MSH3: variants seen among roughly 807,000 people sequenced by gnomAD.
The protein encoded by MSH3 is mutS homolog 3, also known as DNA mismatch repair protein Msh3.
MSH3 carries 106 observed loss-of-function variants against 123.3 expected under a neutral mutation model. The ratio of observed to expected loss-of-function variants is 0.86; its 90% confidence interval spans 0.73 to 1.01. MSH3 has a LOEUF of 1.01. Ranked by LOEUF, MSH3 falls within the 50% of genes least tolerant of loss-of-function variation. The pLI, the probability that MSH3 is intolerant of heterozygous loss-of-function variation, is 0.00. For synonymous variants in MSH3, 515 were observed against 481.4 expected (o/e 1.07, Z -0.91); for missense variants, 1,459 against 1,347.6 (o/e 1.08, Z -1.29).
chr5:80,675,968 A>G (rs1749830055), intron 7 of MSH3, among the ~76,000 whole-genome samples: 1 of 152,172 alleles, frequency 6.6e-6, no homozygotes, highest in Non-Finnish European at 1.5e-5. Flanking sequence ...TACCATACTA[A>G]ATTAATATTA....
intron 21 of MSH3, among the ~76,000 whole-genome samples, chr5:80,860,101 T>A (rs1745990086): frequency 2.4e-5 from 2 of 84,834 alleles, no homozygotes; most frequent in South Asian, 9.4e-4. Context: ...TATACTTAAG[T>A]GTACATAAGC....
Position 80,729,460 on chromosome 5 carries a change from G to GTGTGTGTGTGTA in MSH3, c.1568+496_1568+497insGTGTGTGTGTAT, listed in dbSNP as rs1277559108. 1.5e-3 allele frequency among the ~76,000 whole-genome samples: 145 copies of GTGTGTGTGTGTA among 95,008 alleles called. 1 individual carries two copies. The East Asian group carries it at 0.018, about 12-fold the overall frequency. The allele number at this position is 95,008 out of a possible 152,430, so 62.3% of individuals were successfully genotyped here. On this transcript the variant is annotated intron_variant, in intron 10 of 23. Transcript: ENST00000265081. ...TGTGTGTGTGTGTGTGTGTGTGTGT[G>GTGTGTGTGTGTA]TATATATATATATATATATAAAGAA...
At position 80,679,030 on chromosome 5, in the gene MSH3, T is replaced by C. The variant is rs775653543; in HGVS notation, c.1277T>C (p.Leu426Pro). 2 of 1,614,202 alleles carry C rather than the reference T, an allele frequency of 1.2e-6. No individual in the cohort carries two copies. The highest frequency in any genetic ancestry group is 1.1e-5 in the South Asian group (1 of 91,082). The change falls in exon 8 of 24, where the codon CTG becomes CCG. Residue 426 changes from leucine (L) to proline (P), a missense_variant. Coordinates refer to ENST00000265081, the MANE Select transcript of MSH3 (RefSeq NM_002439.5). ...ATGTCAAGCCTGCAGCCAGTAGAGC[T>C]GCTGCTTCCTTCGGCCTTGTCCGAG... ...TRMSSLQPVE[L>P]LLPSALSEQT...
intron 10 of MSH3, 125 bp downstream of exon 10, chr5:80,729,090 A>G (rs905834196): frequency 2.0e-5 from 13 of 665,570 alleles, no homozygotes; most frequent in Non-Finnish European, 3.2e-5. Context: ...GGGTGCAAGG[A>G]TGAGCTGTTT....
At chr5:80,843,011 TC>T (rs907944967) in intron 20 of MSH3, among the ~76,000 whole-genome samples, 23 of 152,252 alleles carry the variant, frequency 1.5e-4, no homozygotes, top group African/African-American at 5.1e-4. Flanking sequence ...TTCCAGTTTT[TC>T]CCATTCAGTA....
chr5:80,796,906 A>T (rs1744708107), intron 19 of MSH3, among the ~76,000 whole-genome samples: 1 of 152,170 alleles, frequency 6.6e-6, no homozygotes, highest in Non-Finnish European at 1.5e-5. Context: ...GGCTTCTGGA[A>T]CGTGCCATGC....
chr5:80,835,745 T>C (rs1411304575), intron 20 of MSH3, among the ~76,000 whole-genome samples: 1 of 152,016 alleles, frequency 6.6e-6, no homozygotes, highest in African/African-American at 2.4e-5. Flanking sequence ...TGAAACCCTG[T>C]CTCTACTAAA....
chr5:80,743,064 C>A (rs953981114), intron 11 of MSH3, among the ~76,000 whole-genome samples: 1 of 152,056 alleles, frequency 6.6e-6, no homozygotes, highest in African/African-American at 2.4e-5. Context: ...CCCACCGCCC[C>A]TCGCCCACCT....
intron 20 of MSH3, among the ~76,000 whole-genome samples, chr5:80,837,452 G>A (rs559961645): frequency 1.5e-4 from 23 of 152,156 alleles, no homozygotes; most frequent in Non-Finnish European, 3.1e-4. Context: ...GGTGGTGCAC[G>A]CCTGTGGTCC....
intron 2 of MSH3, among the ~76,000 whole-genome samples, chr5:80,660,478 A>G (rs1441350977): frequency 6.6e-6 from 1 of 152,150 alleles, no homozygotes; most frequent in African/African-American, 2.4e-5. Context: ...ATTCAAGTTG[A>G]TATTTGGGTC....
intron 12 of MSH3, among the ~76,000 whole-genome samples, chr5:80,757,248 C>G (rs907232638): frequency 6.6e-6 from 1 of 152,118 alleles, no homozygotes; most frequent in South Asian, 2.1e-4. Context: ...CCATTATACT[C>G]TTCTAGTTAT....
chr5:80,806,031 AT>A (rs201224484), intron 19 of MSH3, among the ~76,000 whole-genome samples: 407 of 148,158 alleles, frequency 2.7e-3, no homozygotes, highest in African/African-American at 9.4e-3. Flanking sequence ...TTCTCCTATA[AT>A]TTTTTATAAA....
At chr5:80,788,948 G>A (rs377376804) in intron 18 of MSH3, among the ~76,000 whole-genome samples, 1 of 151,790 alleles carries the variant, frequency 6.6e-6, no homozygotes, top group South Asian at 2.1e-4. Flanking sequence ...CTTGCTATGC[G>A]TGTTCTATCC....
At chr5:80,761,926 A>G (rs1174232035) in intron 13 of MSH3, among the ~76,000 whole-genome samples, 2 of 152,164 alleles carry the variant, frequency 1.3e-5, no homozygotes, top group African/African-American at 2.4e-5. Context: ...CTTCTGTTAT[A>G]ATATAGGGTA....
At chr5:80,724,976 A>T (rs1312846517) in intron 8 of MSH3, among the ~76,000 whole-genome samples, 1 of 152,146 alleles carries the variant, frequency 6.6e-6, no homozygotes, top group Non-Finnish European at 1.5e-5. Context: ...GCACTTTGGG[A>T]GGCCGAGGTG....
At chr5:80,716,608 T>G (rs541878299) in intron 8 of MSH3, among the ~76,000 whole-genome samples, 12 of 152,278 alleles carry the variant, frequency 7.9e-5, no homozygotes, top group Middle Eastern at 6.8e-3. Context: ...TTATTCTTGA[T>G]TCATAATATT....
chr5:80,686,246 C>G (rs552031907), intron 8 of MSH3, among the ~76,000 whole-genome samples: 17 of 152,200 alleles, frequency 1.1e-4, no homozygotes, highest in Middle Eastern at 3.4e-3. Context: ...GATTTTCTGT[C>G]TGGAAGATCT....
intron 8 of MSH3, among the ~76,000 whole-genome samples, chr5:80,721,825 TA>T (rs1178159181): frequency 6.6e-6 from 1 of 152,224 alleles, no homozygotes; most frequent in African/African-American, 2.4e-5. Context: ...GTTACATTGA[TA>T]AAATGATACA....
At chr5:80,831,495 A>G (rs970900397) in intron 20 of MSH3, among the ~76,000 whole-genome samples, 2 of 152,132 alleles carry the variant, frequency 1.3e-5, no homozygotes, top group Non-Finnish European at 2.9e-5. Flanking sequence ...AGATTTACTA[A>G]TTCACGCTTT....
Sources: gnomAD v4.1 joint callset for allele counts (sites outside exome capture counted in the v4.1 genomes callset) on GRCh38, gnomAD v4.1.1 for gene constraint, MANE v1.5 for transcripts, NCBI Gene and HGNC (gene_info 2026-07-23, HGNC 2026-07-21) for gene names.